NCR1: variants seen among roughly 807,000 people sequenced by gnomAD.
NCR1 encodes NK cell-activating receptor.
NCR1 carries 30 observed loss-of-function variants against 32.5 expected under a neutral mutation model. The ratio of observed to expected loss-of-function variants is 0.92; its 90% CI spans 0.69 to 1.25. NCR1 has a LOEUF of 1.25. Among genes scored for constraint, NCR1 ranks in the 50% most tolerant of loss-of-function variants. The probability of loss-of-function intolerance (pLI) is 0.00; values close to 1 mark genes in which losing one functional copy is unlikely to be tolerated. For missense variants in NCR1, 369 were observed against 380.7 expected (o/e 0.97, Z 0.26); for synonymous variants, 169 against 143.4 (o/e 1.18, Z -1.28).
chr19:54,938,161 AAG>A, the NCR1 span: 2 of 1,613,952 alleles, frequency 1.2e-6, no homozygotes, highest in African/African-American at 2.7e-5. Context: ...GTTTGAGCTG[AAG>A]AGAGAGCAGA....
intron 3 of NCR1, among the ~76,000 whole-genome samples, chr19:54,908,043 T>A (rs2067726361): frequency 6.6e-6 from 1 of 152,020 alleles, no homozygotes; most frequent in South Asian, 2.1e-4. Flanking sequence ...GAGAGGGGGA[T>A]TTGGCAGGGT....
At chr19:54,900,800 G>A in the NCR1 span, among the ~76,000 whole-genome samples, 1 of 152,070 alleles carries the variant, frequency 6.6e-6, no homozygotes, top group Non-Finnish European at 1.5e-5. Flanking sequence ...GGAGAGTGAG[G>A]GGATCGTGGT....
chr19:54,920,959 C>T (rs1045105415), downstream of NCR1, among the ~76,000 whole-genome samples: 7 of 152,012 alleles, frequency 4.6e-5, no homozygotes, highest in Admixed American at 1.3e-4. Flanking sequence ...GCCTAGGCAA[C>T]CAAGTGAGAC....
intron 3 of NCR1, among the ~76,000 whole-genome samples, chr19:54,908,622 C>A (rs1332512749): frequency 6.6e-6 from 1 of 151,552 alleles, no homozygotes; most frequent in South Asian, 2.1e-4. Context: ...GGGCTGCCCC[C>A]CAACCTCCCG....
At chr19:54,909,151 CAGAG>C in intron 3 of NCR1, 90 bp from the exon 4 acceptor site, 1 of 1,256,156 alleles carries the variant, frequency 8.0e-7, no homozygotes, top group Non-Finnish European at 1.1e-6. Context: ...GCCTGGGCGA[CAGAG>C]AGAGACTCCA....
downstream of NCR1, among the ~76,000 whole-genome samples, chr19:54,915,252 C>G (rs1225915654): frequency 1.3e-5 from 2 of 152,094 alleles, no homozygotes; most frequent in Non-Finnish European, 2.9e-5. Context: ...ATATACGGGG[C>G]TGTGGCACAG....
At chr19:54,932,093 C>T in the NCR1 span, among the ~76,000 whole-genome samples, 5 of 152,050 alleles carry the variant, frequency 3.3e-5, no homozygotes, top group Admixed American at 2.6e-4. Context: ...GGTGCAGGTA[C>T]ACTTCGTATA....
the NCR1 span, chr19:54,938,142 G>C: frequency 4.3e-6 from 7 of 1,614,072 alleles, no homozygotes; most frequent in Non-Finnish European, 5.9e-6. Flanking sequence ...CCAGAAACTT[G>C]AGGTTGCTGT....
chr19:54,902,014 T>C (rs1214106133), upstream of NCR1, among the ~76,000 whole-genome samples: 4 of 152,238 alleles, frequency 2.6e-5, no homozygotes, highest in Non-Finnish European at 4.4e-5. Flanking sequence ...AATCTTGGAT[T>C]AAATCCTAAA....
At chr19:54,917,585 T>A (rs1251395078), downstream of NCR1, among the ~76,000 whole-genome samples, 1 of 152,146 alleles carries the variant, frequency 6.6e-6, no homozygotes, top group Non-Finnish European at 1.5e-5. Flanking sequence ...CCTCCCAAAG[T>A]GCGAGGATTA....
At chr19:54,901,213 T>C (rs587760717), upstream of NCR1, among the ~76,000 whole-genome samples, 35 of 147,084 alleles carry the variant, frequency 2.4e-4, no homozygotes, top group South Asian at 7.0e-3. Flanking sequence ...TGGCATAAAC[T>C]CGGGAGGCAG....
the NCR1 span, chr19:54,934,482 G>C: frequency 6.2e-6 from 10 of 1,614,032 alleles, no homozygotes; most frequent in Non-Finnish European, 8.5e-6. The surrounding 1 kb of genome is among the most constrained non-coding windows in gnomAD (Gnocchi z 6.7). Context: ...GGGAAGAGGA[G>C]ACTTACGACA....
chr19:54,909,754 G>A (rs1186781694), intron 4 of NCR1, among the ~76,000 whole-genome samples: 1 of 151,990 alleles, frequency 6.6e-6, no homozygotes, highest in African/African-American at 2.4e-5. Flanking sequence ...GGCCAAGACG[G>A]TGAAACCCCG....
chr19:54,902,923 A>G (rs1386612827), upstream of NCR1, among the ~76,000 whole-genome samples: 1 of 152,074 alleles, frequency 6.6e-6, no homozygotes, highest in Non-Finnish European at 1.5e-5. Context: ...TGAGGTCAAG[A>G]GTTCGAGACT....
upstream of NCR1, among the ~76,000 whole-genome samples, chr19:54,904,694 G>A (rs1441093423): frequency 2.0e-5 from 3 of 151,930 alleles, no homozygotes; most frequent in Non-Finnish European, 4.4e-5. Context: ...CACCACACCC[G>A]GCTAATTTTG....
At chr19:54,918,018 G>A (rs1281642785), downstream of NCR1, among the ~76,000 whole-genome samples, 3 of 152,094 alleles carry the variant, frequency 2.0e-5, no homozygotes, top group East Asian at 1.9e-4. Context: ...CTGCAGTGGC[G>A]CGATCTCTGC....
chr19:54,911,425 G>C lies in NCR1; in HGVS notation c.683-743G>C, dbSNP rs149783172. Among the ~76,000 whole-genome samples the C allele has an allele frequency of 1.2e-4, 18 of 152,174 alleles. 1 individual carries two copies. In the East Asian group the frequency reaches 3.5e-3, roughly 29 times the overall value. ...ATTTCACTATGTGTGAGGAGAAAGAGGTAATGATGACTTAATGAGGAAAAT... is the reference window on the plus strand; with the variant it reads ...ATTTCACTATGTGTGAGGAGAAAGACGTAATGATGACTTAATGAGGAAAAT... On this transcript the variant is annotated intron_variant, in intron 5 of 6. Transcript: ENST00000291890.
At chr19:54,914,888 C>T (rs143509527), downstream of NCR1, among the ~76,000 whole-genome samples, 554 of 152,070 alleles carry the variant, frequency 3.6e-3, 4 homozygotes, top group African/African-American at 0.012. Flanking sequence ...TAGAGGCGCG[C>T]GCCACCACAC....
At chr19:54,912,337 C>A in intron 6 of NCR1, 119 bp downstream of exon 6, 1 of 1,000,030 alleles carries the variant, frequency 1.0e-6, no homozygotes, top group Non-Finnish European at 1.6e-6. Flanking sequence ...TAGCTCACAC[C>A]TGTAATCTCA....
Sources: allele counts gnomAD v4.1 joint callset (sites outside exome capture counted in the v4.1 genomes callset), GRCh38; gene constraint gnomAD v4.1.1; non-coding constraint Gnocchi (gnomAD v3.1); transcripts MANE v1.5; gene names NCBI Gene and HGNC (gene_info 2026-07-23, HGNC 2026-07-21).